ZNF804A: variants seen among roughly 807,000 people sequenced by gnomAD.
ZNF804A encodes the protein zinc finger protein 804A.
Under a neutral mutation model 16.5 loss-of-function variants are expected in ZNF804A, and 2 were observed. That is an observed-to-expected ratio of 0.12 (90% CI 0.05 to 0.38). The LOEUF is 0.38. Among genes scored for constraint, ZNF804A ranks in the 10% least tolerant of loss-of-function variants. The pLI is 0.99. For missense variants in ZNF804A, 1,473 were observed against 1,390.7 expected (o/e 1.06, Z -0.94); for synonymous variants, 534 against 489.6 (o/e 1.09, Z -1.20).
In ZNF804A at chr2:184,901,750, G is replaced by T. The variant is rs114372784; in HGVS notation, c.256-31853G>T. Among the ~76,000 whole-genome samples, 938 of 151,982 alleles carry T rather than the reference G, an allele frequency of 6.2e-3. 8 individuals are homozygous for T. The highest frequency in any genetic ancestry group is 0.022 in the African/African-American group (894 of 41,476). On this transcript the variant is annotated intron_variant, in intron 2 of 3. Coordinates refer to ENST00000302277, the MANE Select transcript of ZNF804A (RefSeq NM_194250.2). ...GTGTATTAATAATCTAGGAGGTAAT[G>T]CATTTTCTTCTTTATTTCTCCTTTT...
At chr2:184,617,967 A>G (rs984134902) in intron 1 of ZNF804A, among the ~76,000 whole-genome samples, 1 of 152,018 alleles carries the variant, frequency 6.6e-6, no homozygotes, top group African/African-American at 2.4e-5. Context: ...CATCTTATCC[A>G]AGGTCATCTA....
intron 1 of ZNF804A, among the ~76,000 whole-genome samples, chr2:184,859,644 G>A (rs1311259583): frequency 6.6e-6 from 1 of 152,118 alleles, no homozygotes; most frequent in South Asian, 2.1e-4. Context: ...TTTTGGTGAT[G>A]TTCTTCTATA....
At chr2:184,853,439 G>A (rs1695635816) in intron 1 of ZNF804A, among the ~76,000 whole-genome samples, 1 of 151,782 alleles carries the variant, frequency 6.6e-6, no homozygotes. Flanking sequence ...ATGTTGAACA[G>A]TTGTGGTAGG....
intron 1 of ZNF804A, among the ~76,000 whole-genome samples, chr2:184,784,392 A>C (rs1694418687): frequency 6.6e-6 from 1 of 151,986 alleles, no homozygotes; most frequent in African/African-American, 2.4e-5. Context: ...TTACTATATT[A>C]ATAATGTAAA....
At chr2:184,709,419 C>T (rs1422534654) in intron 1 of ZNF804A, among the ~76,000 whole-genome samples, 1 of 151,950 alleles carries the variant, frequency 6.6e-6, no homozygotes, top group Non-Finnish European at 1.5e-5. Context: ...ATCTATCTAT[C>T]TAATACTTCT....
chr2:184,844,988 C>A (rs757226813), intron 1 of ZNF804A, among the ~76,000 whole-genome samples: 3 of 151,882 alleles, frequency 2.0e-5, no homozygotes, highest in Non-Finnish European at 4.4e-5. Flanking sequence ...TCTATTGGCA[C>A]ATGGTCAATG....
intron 1 of ZNF804A, among the ~76,000 whole-genome samples, chr2:184,686,531 A>C (rs969406983): frequency 1.3e-5 from 2 of 152,178 alleles, no homozygotes; most frequent in African/African-American, 4.8e-5. Context: ...TTTTTGGTAG[A>C]TGATTTACTT....
intron 1 of ZNF804A, among the ~76,000 whole-genome samples, chr2:184,776,787 A>G (rs1694291158): frequency 6.6e-6 from 1 of 151,566 alleles, no homozygotes; most frequent in Non-Finnish European, 1.5e-5. Flanking sequence ...TTAGCCAGTT[A>G]TCCTAACATT....
chr2:184,886,409 G>T (rs1315162423), intron 2 of ZNF804A, among the ~76,000 whole-genome samples: 1 of 152,182 alleles, frequency 6.6e-6, no homozygotes, highest in Non-Finnish European at 1.5e-5. Context: ...CACAGTGCAA[G>T]TTGTCAGTGA....
intron 1 of ZNF804A, among the ~76,000 whole-genome samples, chr2:184,744,753 T>C (rs939433419): frequency 1.3e-5 from 2 of 151,948 alleles, no homozygotes; most frequent in African/African-American, 2.4e-5. Flanking sequence ...TTTACAAGTG[T>C]GTATACAAGA....
intron 1 of ZNF804A, among the ~76,000 whole-genome samples, chr2:184,766,195 A>T (rs568143927): frequency 3.3e-5 from 5 of 152,130 alleles, no homozygotes; most frequent in Non-Finnish European, 7.4e-5. Flanking sequence ...AAACACACCA[A>T]ATTAATTCAT....
intron 2 of ZNF804A, among the ~76,000 whole-genome samples, chr2:184,921,418 G>A (rs1685527754): frequency 6.6e-6 from 1 of 152,062 alleles, no homozygotes; most frequent in African/African-American, 2.4e-5. Context: ...CAATCACCTG[G>A]ATGTAGCATA....
At chr2:184,772,456 A>ATCAT (rs1424479130) in intron 1 of ZNF804A, among the ~76,000 whole-genome samples, 2 of 151,982 alleles carry the variant, frequency 1.3e-5, no homozygotes, top group African/African-American at 2.4e-5. Context: ...TGTAGGATAT[A>ATCAT]TCATTATGTC....
chr2:184,606,393 G>A (rs953981212), intron 1 of ZNF804A, among the ~76,000 whole-genome samples: 2 of 152,098 alleles, frequency 1.3e-5, no homozygotes, highest in African/African-American at 4.8e-5. Context: ...TCTAGTGAGA[G>A]CTCACTTACT....
At chr2:184,604,444 A>G (rs191713027) in intron 1 of ZNF804A, among the ~76,000 whole-genome samples, 1 of 152,066 alleles carries the variant, frequency 6.6e-6, no homozygotes, top group Admixed American at 6.6e-5. Flanking sequence ...AATTGCTGGG[A>G]TTACAGGCGT....
chr2:184,937,951 A>G lies in ZNF804A; in HGVS notation c.2555A>G (p.Asp852Gly), dbSNP rs755317590. ...LNPLDRLISEDKKEKMKPQEV... is the reference protein window; with the variant it reads ...LNPLDRLISEGKKEKMKPQEV... ...CCTCTGGATAGGTTAATAAGTGAAGACAAAAAAGAGAAAATGAAACCACAA... is the reference window on the plus strand; with the variant it reads ...CCTCTGGATAGGTTAATAAGTGAAGGCAAAAAAGAGAAAATGAAACCACAA... Residue 852 changes from aspartate (D) to glycine (G), a missense_variant, in exon 4 of 4, where the codon GAC becomes GGC. Transcript: ENST00000302277. 12 of 1,613,772 alleles carry G rather than the reference A, an allele frequency of 7.4e-6. No individual in the cohort carries two copies.
At chr2:184,630,754 G>A (rs1574138899) in intron 1 of ZNF804A, among the ~76,000 whole-genome samples, 1 of 151,986 alleles carries the variant, frequency 6.6e-6, no homozygotes, top group African/African-American at 2.4e-5. Context: ...GGAGTGAGGT[G>A]CTTCTATTAA....
Position 184,933,641 on chromosome 2 carries a change from T to A in ZNF804A, c.294T>A (p.Asn98Lys). 1 of 1,607,810 alleles carries A rather than the reference T, an allele frequency of 6.2e-7. No homozygotes were observed. The highest frequency in any genetic ancestry group is 8.5e-7 in the Non-Finnish European group (1 of 1,178,026). The change falls in exon 3 of 4, where the codon AAT becomes AAA. Residue 98 changes from asparagine (N) to lysine (K), a missense_variant. Physicochemically the swap from Asn to Lys is moderately conservative, Grantham distance 94 (BLOSUM62 0). Transcript: ENST00000302277. ...KELKQREFARNVASKSRKDER... is the reference protein window; with the variant it reads ...KELKQREFARKVASKSRKDER... ...TGAAACAAAGGGAATTTGCTCGAAA[T>A]GTAGCATCTAAATCCAGGAAAGATG...
intron 1 of ZNF804A, among the ~76,000 whole-genome samples, chr2:184,818,314 C>G (rs1695015344): frequency 6.6e-6 from 1 of 151,900 alleles, no homozygotes; most frequent in African/African-American, 2.4e-5. Context: ...AACTAAGCTT[C>G]AGAAGTGAAA....
Sources: gnomAD v4.1 joint callset for allele counts (sites outside exome capture counted in the v4.1 genomes callset) on GRCh38, gnomAD v4.1.1 for gene constraint, MANE v1.5 for transcripts, NCBI Gene and HGNC (gene_info 2026-07-23, HGNC 2026-07-21) for gene names.